Variants in SLC22A15 observed in about 807,000 individuals in gnomAD.
The protein encoded by SLC22A15 is solute carrier family 22 member 15.
In SLC22A15, 45 loss-of-function variants were observed where a neutral mutation model predicts 62.7. The observed-to-expected ratio is 0.72, with a 90% CI of 0.56 to 0.92. The LOEUF is 0.92. SLC22A15 is among the 40% of genes least tolerant of loss of function. The probability of loss-of-function intolerance (pLI) is 0.00; values close to 1 mark genes in which losing one functional copy is unlikely to be tolerated. For synonymous variants in SLC22A15, 264 were observed against 267.0 expected (o/e 0.99, Z 0.11); for missense variants, 622 against 665.6 (o/e 0.93, Z 0.72).
intron 1 of SLC22A15, among the ~76,000 whole-genome samples, chr1:115,985,056 A>T (rs988414801): frequency 6.6e-6 from 1 of 152,210 alleles, no homozygotes; most frequent in Admixed American, 6.5e-5. Flanking sequence ...GCCTAACTGT[A>T]CATTGTTTAC....
chr1:116,035,174 C>G lies in SLC22A15; in HGVS notation c.945-13C>G. On this transcript the variant is annotated splice_polypyrimidine_tract_variant and intron_variant, in intron 6 of 11. Coordinates refer to ENST00000369503, the MANE Select transcript of SLC22A15 (RefSeq NM_018420.3). Reference sequence around the variant, plus strand: ...TGTCTTTTACCTCCTGGTCCTTTGACTCCCAATTGCAGGTTTGTGTGCAGC... The same window carrying G: ...TGTCTTTTACCTCCTGGTCCTTTGAGTCCCAATTGCAGGTTTGTGTGCAGC... 1.2e-6 allele frequency: 2 copies of G among 1,607,454 alleles called. No homozygotes were observed. Among genetic ancestry groups the G allele is most frequent in the Non-Finnish European group, 1.7e-6 (2 of 1,176,884 alleles).
chr1:116,065,718 C>T (rs866436415), intron 10 of SLC22A15, among the ~76,000 whole-genome samples: 1 of 152,058 alleles, frequency 6.6e-6, no homozygotes, highest in African/African-American at 2.4e-5. Context: ...AAAAAATTGT[C>T]TGAGGGGAAA....
At chr1:116,062,934 A>G (rs1658417914) in intron 9 of SLC22A15, 52 bp downstream of exon 9, 1 of 1,598,542 alleles carries the variant, frequency 6.3e-7, no homozygotes, top group Non-Finnish European at 8.5e-7. Context: ...TTTGTCATCC[A>G]TTCTTGCACC....
chr1:116,050,716 TAA>T (rs1658030556), intron 8 of SLC22A15, among the ~76,000 whole-genome samples: 1 of 152,112 alleles, frequency 6.6e-6, no homozygotes, highest in Non-Finnish European at 1.5e-5. Flanking sequence ...CTGGAAGTCC[TAA>T]CCAGAGCAAT....
chr1:116,064,210 A>G (rs1437763752), intron 9 of SLC22A15, among the ~76,000 whole-genome samples: 1 of 151,956 alleles, frequency 6.6e-6, no homozygotes, highest in East Asian at 1.9e-4. Context: ...CTGCATTTCA[A>G]GCACTCAGTA....
At chr1:116,061,904 A>T (rs1658389683) in intron 8 of SLC22A15, among the ~76,000 whole-genome samples, 1 of 152,202 alleles carries the variant, frequency 6.6e-6, no homozygotes, top group Admixed American at 6.5e-5. Flanking sequence ...TCATATTTAG[A>T]TTCTTGTTAT....
chr1:115,998,685 CT>C (rs1414419911), intron 2 of SLC22A15, among the ~76,000 whole-genome samples: 3 of 151,436 alleles, frequency 2.0e-5, no homozygotes, highest in South Asian at 4.2e-4. Context: ...CTCTTTTTTT[CT>C]TAGTTTAGCT....
chr1:115,985,250 A>G (rs1654801042), intron 1 of SLC22A15, among the ~76,000 whole-genome samples: 1 of 152,204 alleles, frequency 6.6e-6, no homozygotes, highest in South Asian at 2.1e-4. Context: ...GATACTCACC[A>G]TTGTGTTGTA....
chr1:116,065,872 T>C (rs1570779121), intron 10 of SLC22A15, among the ~76,000 whole-genome samples: 1 of 152,196 alleles, frequency 6.6e-6, no homozygotes, highest in Admixed American at 6.5e-5. Flanking sequence ...ATGTTTTCTT[T>C]GAATCTCTTT....
At chr1:116,052,476 G>A (rs1475866805) in intron 8 of SLC22A15, among the ~76,000 whole-genome samples, 1 of 152,222 alleles carries the variant, frequency 6.6e-6, no homozygotes, top group Non-Finnish European at 1.5e-5. Flanking sequence ...GCAGGGCACA[G>A]ACAAACAAAA....
At chr1:115,978,588 C>A (rs976181500) in intron 1 of SLC22A15, among the ~76,000 whole-genome samples, 3 of 152,148 alleles carry the variant, frequency 2.0e-5, no homozygotes, top group African/African-American at 7.2e-5. Context: ...AAAAGTGAAT[C>A]CTTCACATGC....
chr1:115,979,892 T>C (rs1654529004), intron 1 of SLC22A15, among the ~76,000 whole-genome samples: 1 of 152,144 alleles, frequency 6.6e-6, no homozygotes, highest in Middle Eastern at 3.4e-3. Context: ...GAACATGTAA[T>C]CTATAACAAG....
chr1:115,992,746 C>T (rs1045246682), intron 2 of SLC22A15, among the ~76,000 whole-genome samples: 2 of 151,638 alleles, frequency 1.3e-5, no homozygotes, highest in East Asian at 1.9e-4. Flanking sequence ...CTCAGCCTCC[C>T]GAGTAGCTGA....
chr1:116,065,651 C>T (rs1463732675), intron 10 of SLC22A15, among the ~76,000 whole-genome samples: 1 of 150,690 alleles, frequency 6.6e-6, no homozygotes, highest in Non-Finnish European at 1.5e-5. Context: ...CCCTTCTCCT[C>T]CCCCTTCTCC....
intron 1 of SLC22A15, among the ~76,000 whole-genome samples, chr1:115,988,828 G>A (rs538860387): frequency 1.1e-4 from 16 of 152,000 alleles, no homozygotes; most frequent in African/African-American, 2.2e-4. Context: ...CCACTGCACC[G>A]GGCTGAGGAC....
intron 8 of SLC22A15, among the ~76,000 whole-genome samples, chr1:116,047,593 A>G (rs1055608041): frequency 6.6e-6 from 1 of 152,166 alleles, no homozygotes; most frequent in Admixed American, 6.5e-5. Flanking sequence ...GCCCAGAGCC[A>G]GGTAGACTCA....
intron 8 of SLC22A15, among the ~76,000 whole-genome samples, chr1:116,038,965 A>G (rs529626632): frequency 6.6e-6 from 1 of 152,266 alleles, no homozygotes; most frequent in East Asian, 1.9e-4. Flanking sequence ...AGGACTCTAC[A>G]TGTGGCCCTT....
Position 116,038,110 on chromosome 1 carries a change from C to T in SLC22A15, c.1171+722C>T, listed in dbSNP as rs564843231. On this transcript the variant is annotated intron_variant, in intron 8 of 11. Coordinates refer to ENST00000369503, the MANE Select transcript of SLC22A15 (RefSeq NM_018420.3). ...TTGCCTTGGGAACTGTGTTTTTGGC[C>T]GTGATTTTCTAGAAGGAGGAGTGAG... 9.5e-4 allele frequency among the ~76,000 whole-genome samples: 145 copies of T among 152,112 alleles called. 1 individual carries two copies. Among genetic ancestry groups the T allele is most frequent in the Non-Finnish European group, 1.8e-4 (12 of 67,996 alleles).
chr1:116,046,567 CT>C (rs1466851483), intron 8 of SLC22A15, among the ~76,000 whole-genome samples: 1 of 152,160 alleles, frequency 6.6e-6, no homozygotes, highest in Non-Finnish European at 1.5e-5. Flanking sequence ...GATTGCTGCT[CT>C]GACTCAGATG....
Sources: allele counts gnomAD v4.1 joint callset (sites outside exome capture counted in the v4.1 genomes callset), GRCh38; gene constraint gnomAD v4.1.1; transcripts MANE v1.5; gene names NCBI Gene and HGNC (gene_info 2026-07-23, HGNC 2026-07-21).